CDK18: variants seen among roughly 807,000 people sequenced by gnomAD.
The protein encoded by CDK18 is cyclin-dependent kinase 18.
CDK18 carries 52 observed loss-of-function variants against 62.0 expected under a neutral mutation model. The observed-to-expected ratio is 0.84, with a 90% CI of 0.67 to 1.06. CDK18 has a LOEUF of 1.06. Ranked by LOEUF, CDK18 falls within the 50% of genes least tolerant of loss-of-function variation. The pLI is 0.00. For synonymous variants in CDK18, 237 were observed against 247.0 expected (o/e 0.96, Z 0.38); for missense variants, 604 against 619.9 (o/e 0.97, Z 0.27).
In CDK18 at chr1:205,526,397, A is replaced by G; in HGVS notation, c.602A>G (p.Asn201Ser). 1.2e-6 allele frequency: 2 copies of G among 1,614,076 alleles called. No homozygotes were observed. The highest frequency in any genetic ancestry group is 1.7e-6 in the Non-Finnish European group (2 of 1,179,988). ...VSLLKNLKHANIVTLHDLIHT... is the reference protein window; with the variant it reads ...VSLLKNLKHASIVTLHDLIHT... ...CTGCTGAAGAACCTGAAGCACGCCAATATTGTGACCCTGCATGACCTCATC... is the reference window on the plus strand; with the variant it reads ...CTGCTGAAGAACCTGAAGCACGCCAGTATTGTGACCCTGCATGACCTCATC... Residue 201 changes from asparagine to serine, a missense_variant, in exon 7 of 16, where the codon AAT (asparagine) becomes AGT (serine). Asn to Ser is a conservative substitution (Grantham distance 46). Transcript: ENST00000429964.
intron 1 of CDK18, among the ~76,000 whole-genome samples, chr1:205,515,011 G>A (rs1410769312): frequency 1.3e-5 from 2 of 152,142 alleles, no homozygotes. Context: ...AAGCTGTGGG[G>A]TGTGAGTGGA....
chr1:205,528,880 G>T lies in CDK18; in HGVS notation c.975-119G>T. The T allele has an allele frequency of 1.5e-6, 1 of 649,632 alleles. No individual in the cohort carries two copies. The highest frequency in any genetic ancestry group is 1.9e-5 in the South Asian group (1 of 51,582). 40.2% of individuals were successfully genotyped at this position (649,632 alleles called of 1,614,324 possible). ...CACTGCCCTGGGCCACCCCTCCGCC[G>T]CCAGAGCCACGATCCCTGCAGCCGC... On this transcript the variant is annotated intron_variant, in intron 10 of 15. Coordinates refer to ENST00000429964, the MANE Select transcript of CDK18 (RefSeq NM_212502.3). This position sits in a 1 kb window ranked among gnomAD's most constrained non-coding sequence, Gnocchi z 4.2.
chr1:205,519,245 T>C (rs1667991823), intron 1 of CDK18, among the ~76,000 whole-genome samples: 1 of 152,096 alleles, frequency 6.6e-6, no homozygotes, highest in South Asian at 2.1e-4. Flanking sequence ...AGGAGCTGAC[T>C]CTCCCAAGGG....
At chr1:205,515,022 G>T (rs1667749565) in intron 1 of CDK18, among the ~76,000 whole-genome samples, 1 of 152,142 alleles carries the variant, frequency 6.6e-6, no homozygotes, top group South Asian at 2.1e-4. Flanking sequence ...TGTGAGTGGA[G>T]TTTGCTCTGG....
intron 1 of CDK18, among the ~76,000 whole-genome samples, chr1:205,514,962 G>A (rs568875607): frequency 6.6e-6 from 1 of 152,194 alleles, no homozygotes; most frequent in East Asian, 1.9e-4. Flanking sequence ...TTTACCGAGG[G>A]AAAAATTGAG....
chr1:205,515,068 G>T (rs1045560887), intron 1 of CDK18, among the ~76,000 whole-genome samples: 1 of 152,154 alleles, frequency 6.6e-6, no homozygotes, highest in Non-Finnish European at 1.5e-5. Context: ...CAGACCTTCT[G>T]GGGAGGGGTG....
Position 205,527,717 on chromosome 1 carries a change from C to T in CDK18, c.730-77C>T, listed in dbSNP as rs777139050. 1.8e-5 allele frequency: 25 copies of T among 1,422,646 alleles called. No homozygotes were observed. The highest frequency in any genetic ancestry group is 2.5e-5 in the South Asian group (2 of 81,284). 88.1% of individuals were successfully genotyped at this position (1,422,646 alleles called of 1,614,324 possible). On this transcript the variant is annotated intron_variant, in intron 8 of 15. Transcript: ENST00000429964. The surrounding 1 kb of genome is among the most constrained non-coding windows in gnomAD (Gnocchi z 4.1). ...TGCTGACCTCACTGCCAAGCCCCTG[C>T]CCCCATCCTGGTCCCAGCCTTGGAG...
intron 3 of CDK18, among the ~76,000 whole-genome samples, chr1:205,523,943 C>T (rs965257449): frequency 3.9e-5 from 6 of 152,320 alleles, no homozygotes; most frequent in Non-Finnish European, 8.8e-5. Flanking sequence ...CTTACAGAAT[C>T]GGTGCCTGTA....
At chr1:205,523,996 C>T (rs1459099875) in intron 3 of CDK18, among the ~76,000 whole-genome samples, 1 of 152,232 alleles carries the variant, frequency 6.6e-6, no homozygotes, top group Non-Finnish European at 1.5e-5. Context: ...TACTGTGGCC[C>T]AGAGAGGCAG....
At chr1:205,520,699 C>CA (rs11333790) in intron 1 of CDK18, among the ~76,000 whole-genome samples, 28,128 of 135,448 alleles carry the variant, frequency 0.21, 2,856 homozygotes, top group South Asian at 0.29. Flanking sequence ...GACTCTATCT[C>CA]AAAAAAAAAA....
In CDK18 at chr1:205,530,367, G is replaced by T; in HGVS notation, c.1312+18G>T. 4 of 1,607,796 alleles carry T rather than the reference G, an allele frequency of 2.5e-6. No homozygotes were observed. The highest frequency in any genetic ancestry group is 3.4e-6 in the Non-Finnish European group (4 of 1,177,306). ...TGAAGACAGTGAGTACTGGGGGTCC[G>T]GGAGCAGGGCCACCCAGAACCAAGG... On this transcript the variant is annotated intron_variant, in intron 14 of 15. Coordinates refer to ENST00000429964, the MANE Select transcript of CDK18 (RefSeq NM_212502.3).
intron 8 of CDK18, 126 bp downstream of exon 8, chr1:205,526,963 G>C (rs979365300): frequency 5.4e-6 from 4 of 742,698 alleles, no homozygotes; most frequent in Non-Finnish European, 7.2e-6. Flanking sequence ...ACGTAGGAAA[G>C]AGGGAGAGGG....
At chr1:205,529,204 G>C (rs529989560) in intron 11 of CDK18, 108 bp downstream of exon 11, 3 of 1,346,422 alleles carry the variant, frequency 2.2e-6, no homozygotes, top group Non-Finnish European at 3.1e-6. Context: ...CTCTCTCCCG[G>C]GCGGGGACCC....
At chr1:205,521,359 A>G (rs988166798) in intron 1 of CDK18, among the ~76,000 whole-genome samples, 1 of 152,194 alleles carries the variant, frequency 6.6e-6, no homozygotes, top group Non-Finnish European at 1.5e-5. Context: ...TCACAGGTGC[A>G]CACCACCATG....
chr1:205,520,958 G>T (rs1359902920), intron 1 of CDK18, among the ~76,000 whole-genome samples: 2 of 152,190 alleles, frequency 1.3e-5, no homozygotes, highest in Non-Finnish European at 2.9e-5. Context: ...CAGACAGCAG[G>T]CCTGAGACAT....
intron 4 of CDK18, 98 bp downstream of exon 4, chr1:205,524,455 G>T (rs1668316447): frequency 7.0e-7 from 1 of 1,435,454 alleles, no homozygotes. Context: ...GGATTTCGAG[G>T]AAGATTCCTG....
At chr1:205,531,269 G>T in intron 15 of CDK18, 75 bp from the exon 16 acceptor site, 1 of 1,365,984 alleles carries the variant, frequency 7.3e-7, no homozygotes, top group South Asian at 1.2e-5. Flanking sequence ...GGGGGACAGC[G>T]ACTGTCCCTG....
At chr1:205,513,052 A>T (rs1484742452) in intron 1 of CDK18, among the ~76,000 whole-genome samples, 1 of 152,184 alleles carries the variant, frequency 6.6e-6, no homozygotes, top group Non-Finnish European at 1.5e-5. Context: ...TTCTTCTCCA[A>T]TTTATTGTGT....
chr1:205,523,382 A>G, intron 2 of CDK18, 85 bp downstream of exon 2: 1 of 1,512,878 alleles, frequency 6.6e-7, no homozygotes, highest in South Asian at 1.1e-5. Context: ...CCCCCTCCCC[A>G]CTGGCCTTAG....
Sources: allele counts gnomAD v4.1 joint callset (sites outside exome capture counted in the v4.1 genomes callset), GRCh38; gene constraint gnomAD v4.1.1; non-coding constraint Gnocchi (gnomAD v3.1); transcripts MANE v1.5; gene names NCBI Gene and HGNC (gene_info 2026-07-23, HGNC 2026-07-21).